The following GVQW3 variants were observed in gnomAD, a reference collection of about 807,000 sequenced individuals.
GVQW3 encodes the protein protein GVQW3.
Under a neutral mutation model 12.5 loss-of-function variants are expected in GVQW3, and 7 were observed. That is an observed-to-expected ratio of 0.56 (90% CI 0.32 to 1.05). The LOEUF is 1.05. GVQW3 is among the 50% of genes least tolerant of loss of function. The pLI is 0.04. For missense variants in GVQW3, 188 were observed against 190.8 expected, an observed-to-expected ratio of 0.99 and a Z score of 0.09; for synonymous variants, 71 against 67.2, an observed-to-expected ratio of 1.06 and a Z score of -0.28.
At position 76,403,947 on chromosome 11, in the gene GVQW3, A is replaced by G. The variant is rs575264358; in HGVS notation, c.*189A>G. On this transcript the variant is annotated 3_prime_UTR_variant, in exon 2 of 2. Transcript: ENST00000529331. ...GTCCTCAATGAATTGGATGATGTCCATGCACATTAGGGAGGGCTGCCTCTT... is the reference window on the plus strand; with the variant it reads ...GTCCTCAATGAATTGGATGATGTCCGTGCACATTAGGGAGGGCTGCCTCTT... 127 of 700,528 alleles carry G rather than the reference A, an allele frequency of 1.8e-4. No homozygotes were observed. In the East Asian group the frequency reaches 3.2e-3, roughly 18 times the overall value. 43.4% of individuals were successfully genotyped at this position (700,528 alleles called of 1,614,324 possible). A position where few individuals can be genotyped will look rare whatever the true frequency, so the allele number is the denominator to read the frequency against.
At chr11:76,392,381 T>G (rs1404057251) in intron 1 of GVQW3, 1 of 152,222 alleles carries the variant, frequency 6.6e-6, no homozygotes, top group Non-Finnish European at 1.5e-5. Context: ...CCCCTGTACC[T>G]TGCATTAAGA....
chr11:76,382,692 CAAGT>C (rs1946789358), intron 1 of GVQW3: 1 of 472,596 alleles, frequency 2.1e-6, no homozygotes, highest in Admixed American at 3.9e-5. Context: ...TTTTGCTCAA[CAAGT>C]TTGGATTTCT....
Position 76,402,598 on chromosome 11 carries a change from T to C in GVQW3, c.466-1062T>C, listed in dbSNP as rs977245502. Among the ~76,000 whole-genome samples, 27 of 152,160 alleles carry C rather than the reference T, an allele frequency of 1.8e-4. No homozygotes were observed. In the Middle Eastern group the frequency reaches 0.014, roughly 77 times the overall value. On this transcript the variant is annotated intron_variant, in intron 1 of 1. Coordinates refer to ENST00000529331, the MANE Select transcript of GVQW3 (RefSeq NM_001347885.2). Reference sequence around the variant, plus strand: ...CATTATAATTCATCCAGCACCTCCATGTGTCTATAGCAAGGAGTGCGATGT... The same window carrying C: ...CATTATAATTCATCCAGCACCTCCACGTGTCTATAGCAAGGAGTGCGATGT...
At chr11:76,391,132 G>A (rs1158276055) in intron 1 of GVQW3, among the ~76,000 whole-genome samples, 4 of 152,204 alleles carry the variant, frequency 2.6e-5, no homozygotes, top group Admixed American at 2.6e-4. Flanking sequence ...TCTCTTGCCA[G>A]TTAAGGCCTA....
downstream of GVQW3, chr11:76,411,830 C>T (rs949149): frequency 0.92 from 139,340 of 152,240 alleles, 63,813 homozygotes; most frequent in Admixed American, 0.94. Context: ...GCCAGCCTAC[C>T]TCCATGAGCC....
chr11:76,397,840 A>G (rs560749065), intron 1 of GVQW3, among the ~76,000 whole-genome samples: 4 of 152,312 alleles, frequency 2.6e-5, no homozygotes, highest in African/African-American at 9.6e-5. Context: ...ACATAATTTA[A>G]TGTTTGAAAA....
At chr11:76,412,032 C>T (rs979270945), downstream of GVQW3, 2 of 152,198 alleles carry the variant, frequency 1.3e-5, no homozygotes, top group East Asian at 1.9e-4. Flanking sequence ...ATTGGTCATC[C>T]GCCTAAAATC....
At chr11:76,399,833 T>G (rs1737934526) in intron 1 of GVQW3, among the ~76,000 whole-genome samples, 1 of 152,080 alleles carries the variant, frequency 6.6e-6, no homozygotes, top group Non-Finnish European at 1.5e-5. Flanking sequence ...GAACTGGAAC[T>G]TACACCACTG....
At chr11:76,395,881 C>T (rs1800788765) in intron 1 of GVQW3, among the ~76,000 whole-genome samples, 1 of 152,072 alleles carries the variant, frequency 6.6e-6, no homozygotes, top group Non-Finnish European at 1.5e-5. Context: ...TAGATGAGAC[C>T]AGAGTAATAT....
chr11:76,401,620 A>C (rs1173075148), intron 1 of GVQW3, among the ~76,000 whole-genome samples: 1 of 152,036 alleles, frequency 6.6e-6, no homozygotes, highest in Non-Finnish European at 1.5e-5. Context: ...TAAAAATATA[A>C]AAATTAGCCA....
chr11:76,409,178 C>T (rs1027927326), downstream of GVQW3, among the ~76,000 whole-genome samples: 2 of 152,058 alleles, frequency 1.3e-5, no homozygotes, highest in East Asian at 1.9e-4. Flanking sequence ...ATTTATGCAA[C>T]GAATGTACAC....
intron 1 of GVQW3, among the ~76,000 whole-genome samples, chr11:76,396,473 C>T (rs1946940639): frequency 6.6e-6 from 1 of 152,060 alleles, no homozygotes; most frequent in Admixed American, 6.6e-5. Flanking sequence ...TGCCACCACA[C>T]CCAGCTAATT....
In GVQW3 at chr11:76,392,318, A is replaced by G. The variant is rs73491605; in HGVS notation, c.465+10025A>G. On this transcript the variant is annotated intron_variant, in intron 1 of 1. Transcript: ENST00000529331. ...CCTGGAGCTCTGTACACAAGGATTT[A>G]GTGTGTAATATTACCTCTCAGAAGA... 2.4e-3 allele frequency: 360 copies of G among 152,392 alleles called. 3 individuals are homozygous for G. Among genetic ancestry groups the G allele is most frequent in the African/African-American group, 8.5e-3 (353 of 41,596 alleles). 9.4% of individuals were successfully genotyped at this position (152,392 alleles called of 1,614,324 possible). A position where few individuals can be genotyped will look rare whatever the true frequency, so the allele number is the denominator to read the frequency against.
downstream of GVQW3, chr11:76,411,139 G>C (rs542147938): frequency 3.9e-5 from 6 of 152,430 alleles, no homozygotes; most frequent in East Asian, 5.8e-4. Context: ...TGAACTGGCT[G>C]TACTGGCCCC....
chr11:76,390,528 C>T (rs755313876), intron 1 of GVQW3, among the ~76,000 whole-genome samples: 6 of 152,178 alleles, frequency 3.9e-5, no homozygotes, highest in Non-Finnish European at 8.8e-5. Context: ...GTGAGGGAGA[C>T]AGACAAGAAA....
At chr11:76,394,178 G>T (rs1013697858) in intron 1 of GVQW3, among the ~76,000 whole-genome samples, 2 of 152,182 alleles carry the variant, frequency 1.3e-5, no homozygotes, top group African/African-American at 4.8e-5. Context: ...TTATAGGCGT[G>T]AGCCACCACG....
At chr11:76,387,025 A>G (rs1007066059) in intron 1 of GVQW3, among the ~76,000 whole-genome samples, 1 of 152,234 alleles carries the variant, frequency 6.6e-6, no homozygotes, top group Admixed American at 6.5e-5. Flanking sequence ...GACATAGTTA[A>G]TATAGAAACA....
chr11:76,391,799 C>A (rs1946894880), intron 1 of GVQW3, among the ~76,000 whole-genome samples: 1 of 152,088 alleles, frequency 6.6e-6, no homozygotes, highest in Non-Finnish European at 1.5e-5. Context: ...ACTAAAAATA[C>A]AAAAATTAGC....
chr11:76,401,905 G>A (rs138226319), intron 1 of GVQW3, among the ~76,000 whole-genome samples: 9 of 152,068 alleles, frequency 5.9e-5, no homozygotes, highest in African/African-American at 2.2e-4. Flanking sequence ...TCTATTTCTT[G>A]TAAATGCTAT....
Sources: gnomAD v4.1 joint callset for allele counts (sites outside exome capture counted in the v4.1 genomes callset) on GRCh38, gnomAD v4.1.1 for gene constraint, MANE v1.5 for transcripts, NCBI Gene and HGNC (gene_info 2026-07-23, HGNC 2026-07-21) for gene names.